RNF130: variants seen among roughly 807,000 people sequenced by gnomAD.
RNF130 encodes E3 ubiquitin-protein ligase RNF130.
Under a neutral mutation model 44.6 loss-of-function variants are expected in RNF130, and 21 were observed. The observed-to-expected ratio is 0.47, with a 90% CI of 0.33 to 0.68. The LOEUF (loss-of-function observed/expected upper bound fraction) is 0.68, where lower values mean the gene tolerates loss of function less well. Ranked by LOEUF, RNF130 falls within the 30% of genes least tolerant of loss-of-function variation. The pLI, the probability that RNF130 is intolerant of heterozygous loss-of-function variation, is 0.02. For missense variants in RNF130, 479 were observed against 560.6 expected (o/e 0.85, Z 1.47); for synonymous variants, 214 against 210.4 (o/e 1.02, Z -0.15).
At chr5:179,976,325 T>C (rs1762715118) in intron 5 of RNF130, among the ~76,000 whole-genome samples, 1 of 152,192 alleles carries the variant, frequency 6.6e-6, no homozygotes, top group Non-Finnish European at 1.5e-5. Context: ...ATGAATGGTT[T>C]TGGAGGCCCG....
At chr5:179,948,885 T>G (rs1050037709) in intron 7 of RNF130, among the ~76,000 whole-genome samples, 1 of 152,136 alleles carries the variant, frequency 6.6e-6, no homozygotes, top group Non-Finnish European at 1.5e-5. Flanking sequence ...TCAGGGGCAC[T>G]TGCTTTCCCG....
intron 7 of RNF130, among the ~76,000 whole-genome samples, chr5:179,934,792 C>A (rs1761865401): frequency 6.6e-6 from 1 of 152,112 alleles, no homozygotes; most frequent in Non-Finnish European, 1.5e-5. Flanking sequence ...ATCCTCCATG[C>A]CTCAGCCTCC....
chr5:179,990,078 C>T (rs857183), intron 3 of RNF130, among the ~76,000 whole-genome samples: 71,797 of 151,828 alleles, frequency 0.47, 18,091 homozygotes, highest in African/African-American at 0.67. Flanking sequence ...CGAGAGATTG[C>T]AGAAATAAAG....
exon 8 of RNF130, chr5:179,917,551 A>G (rs1299616788): frequency 1.3e-5 from 2 of 152,420 alleles, no homozygotes; most frequent in East Asian, 1.9e-4. Context: ...CTGCTCCCCA[A>G]GCGCCTCAGG....
At chr5:179,931,537 G>A (rs1350348961) in intron 7 of RNF130, among the ~76,000 whole-genome samples, 4 of 152,008 alleles carry the variant, frequency 2.6e-5, no homozygotes, top group Non-Finnish European at 5.9e-5. Context: ...GGGGGGCCGA[G>A]GTGGGCGGAT....
At chr5:180,022,797 C>T (rs530300341) in intron 2 of RNF130, among the ~76,000 whole-genome samples, 2 of 152,310 alleles carry the variant, frequency 1.3e-5, no homozygotes, top group South Asian at 4.1e-4. Flanking sequence ...CAAGATTTCA[C>T]CTCCCTAGTT....
At chr5:179,986,452 T>C (rs534522588) in intron 3 of RNF130, among the ~76,000 whole-genome samples, 49 of 152,362 alleles carry the variant, frequency 3.2e-4, no homozygotes, top group African/African-American at 1.1e-3. Flanking sequence ...TTCATGATAC[T>C]GCACTAAACA....
At chr5:180,050,279 G>A (rs571429993) in intron 1 of RNF130, among the ~76,000 whole-genome samples, 1 of 152,336 alleles carries the variant, frequency 6.6e-6, no homozygotes, top group East Asian at 1.9e-4. Flanking sequence ...TGGAGTTCCA[G>A]GCCAAAGACC....
chr5:180,022,976 C>G (rs1245312262), intron 2 of RNF130, among the ~76,000 whole-genome samples: 2 of 152,126 alleles, frequency 1.3e-5, no homozygotes, highest in African/African-American at 4.8e-5. Flanking sequence ...ACGCCAAGCA[C>G]CAGAACTCTA....
At chr5:179,956,056 G>T (rs1360999950) in intron 8 of RNF130, 1 of 171,014 alleles carries the variant, frequency 5.8e-6, no homozygotes, top group Non-Finnish European at 1.2e-5. Flanking sequence ...TCTCAAACAA[G>T]AATGTCCTCA....
intron 1 of RNF130, among the ~76,000 whole-genome samples, chr5:180,059,715 T>C (rs904679167): frequency 6.6e-6 from 1 of 152,372 alleles, no homozygotes; most frequent in South Asian, 2.1e-4. Flanking sequence ...ATTAGGGTCC[T>C]GCTAAGCCTT....
In RNF130 at chr5:179,920,249, A is replaced by G. The variant is rs1299366957; in HGVS notation, c.*68T>C. The G allele has an allele frequency of 9.0e-6, 6 of 664,882 alleles. No homozygotes were observed. In the East Asian group the frequency reaches 1.4e-4, roughly 15 times the overall value. 41.2% of individuals were successfully genotyped at this position (664,882 alleles called of 1,614,324 possible). A position where few individuals can be genotyped will look rare whatever the true frequency, so the allele number is the denominator to read the frequency against. ...AACGGATGCTGACAGGAGAATACAA[A>G]ATAAGAAAGGTGATCAGAAATCAAA... is the stretch of plus-strand genomic sequence containing the variant. On this transcript the variant is annotated 3_prime_UTR_variant, in exon 8 of 8. Coordinates refer to the RNF130 transcript ENST00000522208.
At chr5:180,033,177 C>T (rs747532910) in intron 2 of RNF130, among the ~76,000 whole-genome samples, 25 of 151,910 alleles carry the variant, frequency 1.6e-4, no homozygotes, top group Admixed American at 9.2e-4. Context: ...AGACAGGGTC[C>T]CCCTATGTTG....
At chr5:180,066,721 C>T (rs1765115602) in intron 1 of RNF130, among the ~76,000 whole-genome samples, 1 of 152,074 alleles carries the variant, frequency 6.6e-6, no homozygotes, top group South Asian at 2.1e-4. Flanking sequence ...CCTGTAATCC[C>T]AGCTACTAGG....
chr5:179,992,757 G>A (rs952885864), intron 3 of RNF130, among the ~76,000 whole-genome samples: 2 of 151,862 alleles, frequency 1.3e-5, no homozygotes, highest in East Asian at 1.9e-4. Context: ...TAAGTTCTAG[G>A]GTACATGTGC....
intron 5 of RNF130, among the ~76,000 whole-genome samples, chr5:179,973,867 G>C (rs868131868): frequency 9.2e-5 from 14 of 152,204 alleles, no homozygotes; most frequent in Admixed American, 8.5e-4. Flanking sequence ...CAAGCATACT[G>C]AGCGCCAACA....
chr5:179,951,012 A>G (rs1318134221), downstream of RNF130, among the ~76,000 whole-genome samples: 1 of 152,196 alleles, frequency 6.6e-6, no homozygotes, highest in African/African-American at 2.4e-5. Flanking sequence ...TATCAATACA[A>G]GAGAGTCCAC....
At chr5:180,003,010 G>A (rs1050567049) in intron 3 of RNF130, among the ~76,000 whole-genome samples, 4 of 152,020 alleles carry the variant, frequency 2.6e-5, no homozygotes, top group Non-Finnish European at 5.9e-5. Context: ...CTACCAAAGA[G>A]TTCTGAACAG....
chr5:179,973,605 G>A (rs1156880656), intron 5 of RNF130, among the ~76,000 whole-genome samples: 2 of 152,118 alleles, frequency 1.3e-5, no homozygotes, highest in African/African-American at 4.8e-5. Flanking sequence ...GAGCGGCCCC[G>A]CCACCTGGCC....
Sources: gnomAD v4.1 joint callset for allele counts (sites outside exome capture counted in the v4.1 genomes callset) on GRCh38, gnomAD v4.1.1 for gene constraint, MANE v1.5 for transcripts, NCBI Gene and HGNC (gene_info 2026-07-23, HGNC 2026-07-21) for gene names.